The following ASB3 variants were observed in gnomAD, a reference collection of about 807,000 sequenced individuals.
The protein encoded by ASB3 is ankyrin repeat and SOCS box containing 3.
In ASB3, 41 loss-of-function variants were observed where a neutral mutation model predicts 54.5. The observed-to-expected ratio is 0.75, with a 90% CI of 0.59 to 0.98. The LOEUF is 0.98. Ranked by LOEUF, ASB3 falls within the 50% of genes least tolerant of loss-of-function variation. The pLI, the probability that ASB3 is intolerant of heterozygous loss-of-function variation, is 0.00. For synonymous variants in ASB3, 266 were observed against 221.2 expected, an observed-to-expected ratio of 1.20 and a Z score of -1.80; for missense variants, 733 against 620.0, an observed-to-expected ratio of 1.18 and a Z score of -1.94.
intron 3 of ASB3, among the ~76,000 whole-genome samples, chr2:53,742,911 T>A (rs1218302963): frequency 6.6e-6 from 1 of 152,006 alleles, no homozygotes; most frequent in African/African-American, 2.4e-5. Flanking sequence ...TAACTAAAAT[T>A]TAAAATATCC....
intron 9 of ASB3, among the ~76,000 whole-genome samples, chr2:53,677,215 G>A (rs979722194): frequency 6.6e-5 from 10 of 152,210 alleles, no homozygotes; most frequent in African/African-American, 1.7e-4. Context: ...AGCCTCAGGT[G>A]TGTAGTAGGC....
chr2:53,718,626 A>G (rs972749446), intron 5 of ASB3, among the ~76,000 whole-genome samples: 2 of 152,188 alleles, frequency 1.3e-5, no homozygotes, highest in African/African-American at 4.8e-5. Context: ...CAAAGCAACC[A>G]TCTACCAACT....
chr2:53,734,926 T>G (rs899817632), intron 3 of ASB3, among the ~76,000 whole-genome samples: 3 of 149,972 alleles, frequency 2.0e-5, no homozygotes, highest in African/African-American at 7.4e-5. Context: ...AAGTTTTTTT[T>G]TTTTTTTTTT....
At chr2:53,729,628 G>T (rs1012381052) in intron 3 of ASB3, 58 bp from the exon 4 acceptor site, 4 of 1,470,062 alleles carry the variant, frequency 2.7e-6, no homozygotes, top group South Asian at 1.2e-5. Context: ...TGTAGGACTG[G>T]ACACTTTGGT....
At chr2:53,749,322 T>C (rs1199271115) in intron 3 of ASB3, among the ~76,000 whole-genome samples, 3 of 152,070 alleles carry the variant, frequency 2.0e-5, no homozygotes, top group African/African-American at 7.2e-5. Flanking sequence ...TAGCAAATGT[T>C]GGCAAGGATA....
At chr2:53,774,649 T>A in intron 1 of ASB3, 6 of 684,076 alleles carry the variant, frequency 8.8e-6, no homozygotes, top group Non-Finnish European at 1.3e-5. Flanking sequence ...ACTGGAAATG[T>A]CCTGAAACAC....
chr2:53,773,393 T>C (rs925389894), intron 1 of ASB3, among the ~76,000 whole-genome samples: 1 of 151,340 alleles, frequency 6.6e-6, no homozygotes, highest in African/African-American at 2.5e-5. Flanking sequence ...AGTATGTTCT[T>C]CTGTGCACTT....
intron 9 of ASB3, among the ~76,000 whole-genome samples, chr2:53,687,321 T>C (rs1413703962): frequency 1.3e-5 from 2 of 152,084 alleles, no homozygotes; most frequent in Non-Finnish European, 2.9e-5. Flanking sequence ...AGGTAGAATG[T>C]AGGCAATGTT....
In ASB3 at chr2:53,750,867, G is replaced by A. The variant is rs771292908; in HGVS notation, c.271C>T (p.His91Tyr). The change falls in exon 3 of 10, where the codon CAT becomes TAT. Residue 91 changes from histidine (H) to tyrosine (Y), a missense_variant. Physicochemically the swap from His to Tyr is moderately conservative, Grantham distance 83. Coordinates refer to ENST00000263634, the MANE Select transcript of ASB3 (RefSeq NM_016115.5). ...CALHLAASQG[H>Y]WKIVQILLEA... The stretch of plus-strand genomic sequence containing the variant: ...AAAAGAATCTGTACGATTTTCCAAT[G>A]TCCTTGACTTGCAGCGAGATGCAAA... The A allele has an allele frequency of 1.2e-6, 2 of 1,602,368 alleles. No homozygotes were observed. The highest frequency in any genetic ancestry group is 2.7e-5 in the African/African-American group (2 of 74,640).
intron 1 of ASB3, among the ~76,000 whole-genome samples, chr2:53,766,204 G>C (rs1363584410): frequency 1.3e-5 from 2 of 152,150 alleles, no homozygotes; most frequent in Admixed American, 1.3e-4. Flanking sequence ...AACCAACAGA[G>C]AACACCATGA....
chr2:53,740,090 G>A (rs1671849067), intron 3 of ASB3, among the ~76,000 whole-genome samples: 1 of 152,196 alleles, frequency 6.6e-6, no homozygotes, highest in Admixed American at 6.5e-5. Flanking sequence ...TATAGCAGCA[G>A]GCTGGCTGGC....
At chr2:53,743,768 T>G (rs1274011942) in intron 3 of ASB3, among the ~76,000 whole-genome samples, 3 of 152,198 alleles carry the variant, frequency 2.0e-5, no homozygotes, top group African/African-American at 7.2e-5. Context: ...AAAAGCCAGG[T>G]GCAGTGCCTC....
intron 1 of ASB3, chr2:53,774,339 T>G: frequency 6.2e-7 from 1 of 1,613,548 alleles, no homozygotes; most frequent in Non-Finnish European, 8.5e-7. Flanking sequence ...GTCCTGCACC[T>G]CTGGAAGACA....
intron 2 of ASB3, among the ~76,000 whole-genome samples, chr2:53,756,601 C>G (rs977120237): frequency 7.2e-5 from 11 of 152,246 alleles, no homozygotes; most frequent in African/African-American, 2.6e-4. Context: ...GGGCAGGCAT[C>G]ATGTAATCCT....
At chr2:53,751,562 C>A (rs1273661315) in intron 2 of ASB3, among the ~76,000 whole-genome samples, 1 of 151,952 alleles carries the variant, frequency 6.6e-6, no homozygotes, top group Non-Finnish European at 1.5e-5. Context: ...TGGTAACACT[C>A]AAATTATACA....
intron 2 of ASB3, among the ~76,000 whole-genome samples, chr2:53,753,658 T>A (rs1273248281): frequency 5.3e-5 from 8 of 151,814 alleles, no homozygotes; most frequent in Admixed American, 2.6e-4. Context: ...TTCTGTTTTT[T>A]TTTTTTGAGA....
intron 9 of ASB3, among the ~76,000 whole-genome samples, chr2:53,672,852 T>C (rs1397681611): frequency 6.6e-6 from 1 of 152,232 alleles, no homozygotes; most frequent in East Asian, 1.9e-4. Context: ...TAATTCAATA[T>C]CTATTTCTGT....
At chr2:53,693,594 T>G (rs765225943) in intron 9 of ASB3, among the ~76,000 whole-genome samples, 2 of 152,138 alleles carry the variant, frequency 1.3e-5, no homozygotes, top group South Asian at 4.1e-4. Flanking sequence ...CCTACTTTTG[T>G]GTATATAATC....
chr2:53,729,519 G>C lies in ASB3; in HGVS notation c.407C>G (p.Ala136Gly). ...DVLRLLLQHG[A>G]NVNGSHSMCG... ...CATAGAATGGGATCCATTAACATTT[G>C]CTCCGTGTTGAAGCAACAGCCTTAA... The change falls in exon 4 of 10, where the codon GCA becomes GGA. Residue 136 changes from alanine to glycine, a missense_variant. Coordinates refer to ENST00000263634, the MANE Select transcript of ASB3 (RefSeq NM_016115.5). The C allele has an allele frequency of 6.2e-7, 1 of 1,613,924 alleles. No individual in the cohort carries two copies. The highest frequency in any genetic ancestry group is 8.5e-7 in the Non-Finnish European group (1 of 1,179,836).
Sources: gnomAD v4.1 joint callset for allele counts (sites outside exome capture counted in the v4.1 genomes callset) on GRCh38, gnomAD v4.1.1 for gene constraint, MANE v1.5 for transcripts, NCBI Gene and HGNC (gene_info 2026-07-23, HGNC 2026-07-21) for gene names.